Variants in DNAH2 observed in about 807,000 individuals in gnomAD.
The protein encoded by DNAH2 is axonemal beta dynein heavy chain 2.
Under a neutral mutation model 523.5 loss-of-function variants are expected in DNAH2, and 323 were observed. That is an observed-to-expected ratio of 0.62 (90% CI 0.56 to 0.68). The LOEUF is 0.68. Among genes scored for constraint, DNAH2 ranks in the 30% least tolerant of loss-of-function variants. DNAH2 has a pLI of 0.00. For synonymous variants in DNAH2, 2,093 were observed against 2,177.4 expected, an observed-to-expected ratio of 0.96 and a Z score of 1.08; for missense variants, 4,907 against 5,701.5, an observed-to-expected ratio of 0.86 and a Z score of 4.49.
chr17:7,826,596 G>A (rs2078026947), intron 77 of DNAH2, among the ~76,000 whole-genome samples: 1 of 140,246 alleles, frequency 7.1e-6, no homozygotes, highest in Admixed American at 7.5e-5. Context: ...CTGGAGCGCA[G>A]TGGCGCCATC....
chr17:7,795,190 T>A (rs2077028419), intron 49 of DNAH2, among the ~76,000 whole-genome samples: 1 of 152,182 alleles, frequency 6.6e-6, no homozygotes, highest in Non-Finnish European at 1.5e-5. Context: ...TTTTTAAAAT[T>A]AAAATTAATG....
At chr17:7,728,620 T>TG (rs1265893819) in intron 4 of DNAH2, among the ~76,000 whole-genome samples, 2 of 152,174 alleles carry the variant, frequency 1.3e-5, no homozygotes, top group Admixed American at 1.3e-4. Context: ...TTGCAGGCCG[T>TG]GAAAAACGAT....
In DNAH2 at chr17:7,786,367, A is replaced by G. The variant is rs755862690; in HGVS notation, c.6348+25A>G. 6.2e-7 allele frequency: 1 copy of G among 1,603,768 alleles called. No homozygotes were observed. The highest frequency in any genetic ancestry group is 1.3e-5 in the African/African-American group (1 of 74,948). On this transcript the variant is annotated intron_variant, in intron 40 of 85. Transcript: ENST00000572933. This position sits in a 1 kb window ranked among gnomAD's most constrained non-coding sequence, Gnocchi z 7.5. The stretch of plus-strand genomic sequence containing the variant: ...AGTACGGGGCTGGGACAGTGGAGTC[A>G]GTGGGCAGAGACTTGAGTAGTAAGA...
chr17:7,795,940 TATAA>T (rs557782089), intron 49 of DNAH2, among the ~76,000 whole-genome samples: 3 of 147,194 alleles, frequency 2.0e-5, no homozygotes, highest in Admixed American at 6.8e-5. Context: ...GAAGTTGCAG[TATAA>T]ATAAATAAAT....
intron 10 of DNAH2, 92 bp downstream of exon 10, chr17:7,740,641 C>A: frequency 6.4e-7 from 1 of 1,567,886 alleles, no homozygotes; most frequent in South Asian, 1.2e-5. Context: ...CACGTGTGCC[C>A]TTCTCCATGT....
chr17:7,760,416 G>T lies in DNAH2; in HGVS notation c.2786-324G>T, dbSNP rs1316185488. On this transcript the variant is annotated intron_variant, in intron 17 of 85. Coordinates refer to ENST00000572933, the MANE Select transcript of DNAH2 (RefSeq NM_020877.5). This position sits in a 1 kb window ranked among gnomAD's most constrained non-coding sequence, Gnocchi z 4.0. ...TGGGGAAGGGAGCAGGGGCTTGGAT[G>T]GGGGTTGAGATTAGGTGACTGATGC... Among the ~76,000 whole-genome samples, 3 of 151,924 alleles carry T rather than the reference G, an allele frequency of 2.0e-5. No homozygotes were observed. The highest frequency in any genetic ancestry group is 2.9e-5 in the Non-Finnish European group (2 of 67,980).
rs2075786836 is a variant in DNAH2, at chr17:7,754,691, C to T, written c.1905-2400C>T. Reference sequence around the variant, plus strand: ...ATCGACTTGCCTACATTGCCCACCCCAACCTTGGGAAGCTTGCTCGTGCCC... The same window carrying T: ...ATCGACTTGCCTACATTGCCCACCCTAACCTTGGGAAGCTTGCTCGTGCCC... On this transcript the variant is annotated intron_variant, in intron 12 of 85. Transcript: ENST00000572933. The surrounding 1 kb of genome is among the most constrained non-coding windows in gnomAD (Gnocchi z 4.6). 3 of 1,244,174 alleles carry T rather than the reference C, an allele frequency of 2.4e-6. No individual in the cohort carries two copies. Among genetic ancestry groups the T allele is most frequent in the East Asian group, 2.3e-5 (1 of 42,810 alleles). The allele number at this position is 1,244,174 out of a possible 1,614,324, so 77.1% of individuals were successfully genotyped here.
chr17:7,781,503 C>A (rs1597638864), intron 39 of DNAH2, among the ~76,000 whole-genome samples: 1 of 151,944 alleles, frequency 6.6e-6, no homozygotes, highest in South Asian at 2.1e-4. Flanking sequence ...AACAAAAAAA[C>A]CGCACTCTCC....
chr17:7,720,011 A>T, intron 2 of DNAH2, 111 bp downstream of exon 2: 1 of 1,339,844 alleles, frequency 7.5e-7, no homozygotes, highest in East Asian at 2.7e-5. Context: ...CTGGGCAGGA[A>T]ACGGGCTAAG....
chr17:7,720,026 G>A lies in DNAH2; in HGVS notation c.166+126G>A, dbSNP rs1033965419. On this transcript the variant is annotated intron_variant, in intron 2 of 85. Coordinates refer to ENST00000572933, the MANE Select transcript of DNAH2 (RefSeq NM_020877.5). ...CTGGGCAGGAAACGGGCTAAGTGACGCCCCCAGCCATGGAGGTTCAGCAGC... is the reference window on the plus strand; with the variant it reads ...CTGGGCAGGAAACGGGCTAAGTGACACCCCCAGCCATGGAGGTTCAGCAGC... 130 of 1,197,442 alleles carry A rather than the reference G, an allele frequency of 1.1e-4. 2 individuals carry two copies. The highest frequency in any genetic ancestry group is 1.0e-3 in the African/African-American group (64 of 64,302). 74.2% of individuals were successfully genotyped at this position (1,197,442 alleles called of 1,614,324 possible).
chr17:7,822,797 G>C (rs1054086579), intron 73 of DNAH2, among the ~76,000 whole-genome samples: 18 of 152,160 alleles, frequency 1.2e-4, no homozygotes, highest in African/African-American at 3.9e-4. Flanking sequence ...ATAAGCAAGT[G>C]AGTGAATGAA....
chr17:7,725,573 C>T (rs1016089330), intron 3 of DNAH2, among the ~76,000 whole-genome samples: 43 of 151,434 alleles, frequency 2.8e-4, no homozygotes, highest in African/African-American at 1.0e-3. Context: ...GCTGGGATTA[C>T]AGGTGCATGC....
chr17:7,786,008 C>A lies in DNAH2; in HGVS notation c.6130-116C>A. On this transcript the variant is annotated intron_variant, in intron 39 of 85. Transcript: ENST00000572933. This position sits in a 1 kb window ranked among gnomAD's most constrained non-coding sequence, Gnocchi z 7.5. ...GTGAACAGAGCCGGAGTGCAGAGGG[C>A]CCTGGTGCCATTTTTAACAGTTTGA... is the stretch of plus-strand genomic sequence containing the variant. 1 of 1,061,798 alleles carries A rather than the reference C, an allele frequency of 9.4e-7. No homozygotes were observed. The highest frequency in any genetic ancestry group is 1.4e-6 in the Non-Finnish European group (1 of 731,362). The allele number at this position is 1,061,798 out of a possible 1,614,324, so 65.8% of individuals were successfully genotyped here.
chr17:7,801,998 C>A lies in DNAH2; in HGVS notation c.8953C>A (p.Leu2985Ile), dbSNP rs1225457043. The A allele has an allele frequency of 1.2e-6, 2 of 1,614,112 alleles. No individual in the cohort carries two copies. Among genetic ancestry groups the A allele is most frequent in the Non-Finnish European group, 1.7e-6 (2 of 1,179,956 alleles). The change falls in exon 58 of 86, where the codon CTC becomes ATC. Residue 2985 changes from leucine (L) to isoleucine (I), a missense_variant. Physicochemically the swap from Leu to Ile is conservative, Grantham distance 5 (BLOSUM62 2). Coordinates refer to ENST00000572933, the MANE Select transcript of DNAH2 (RefSeq NM_020877.5). ...NYVTPTKYLE[L>I]LSGYKKLLGE... ...TGTCACACCCACCAAATACCTGGAA[C>A]TCCTGTCTGGATATAAGAAGTATGA...
chr17:7,761,998 C>T (rs1035829977), intron 18 of DNAH2, among the ~76,000 whole-genome samples: 64 of 152,016 alleles, frequency 4.2e-4, no homozygotes, highest in East Asian at 1.9e-4. Flanking sequence ...GAGTGGTGGC[C>T]GTGGTGTCAC....
intron 32 of DNAH2, 69 bp from the exon 33 acceptor site, chr17:7,777,377 G>A: frequency 6.4e-7 from 1 of 1,570,084 alleles, no homozygotes; most frequent in Non-Finnish European, 8.7e-7. Context: ...TGCTGGGTAG[G>A]GGCAAGGGTT....
intron 12 of DNAH2, among the ~76,000 whole-genome samples, chr17:7,747,902 G>A (rs2075561921): frequency 1.3e-5 from 2 of 152,222 alleles, no homozygotes; most frequent in South Asian, 4.1e-4. Context: ...ATCCAAGTCA[G>A]TTACAGCTTC....
chr17:7,739,745 C>G lies in DNAH2; in HGVS notation c.1183C>G (p.Gln395Glu). The G allele has an allele frequency of 2.5e-6, 4 of 1,612,872 alleles. No homozygotes were observed. The highest frequency in any genetic ancestry group is 3.4e-6 in the Non-Finnish European group (4 of 1,179,988). ...TSLFRKVCDCQYHFARWEDGK... is the reference protein window; with the variant it reads ...TSLFRKVCDCEYHFARWEDGK... ...TCTTCTTTTTTAGGTATGTGACTGT[C>G]AGTATCACTTCGCCCGCTGGGAAGA... Residue 395 changes from glutamine (Q) to glutamate (E), a missense_variant, in exon 9 of 86, where the codon CAG (glutamine) becomes GAG (glutamate). Around this residue, in one of 3 missense-constraint regions of DNAH2, gnomAD observed 2,806 missense variants for 3,190.8 expected, o/e 0.88. Transcript: ENST00000572933.
chr17:7,763,816 C>T lies in DNAH2; in HGVS notation c.2979-15C>T, dbSNP rs755433976. On this transcript the variant is annotated splice_polypyrimidine_tract_variant and intron_variant, in intron 18 of 85. Transcript: ENST00000572933. ...AAGAAAACAACATCCTAGCTGGGAT[C>T]TGGGGCTCTTGCAGCTACACGGAAG... is the stretch of plus-strand genomic sequence containing the variant. 4.3e-6 allele frequency: 7 copies of T among 1,613,736 alleles called. No individual in the cohort carries two copies. The highest frequency in any genetic ancestry group is 5.9e-6 in the Non-Finnish European group (7 of 1,179,954).
Sources: allele counts gnomAD v4.1 joint callset (sites outside exome capture counted in the v4.1 genomes callset), GRCh38; gene constraint gnomAD v4.1.1; regional missense constraint gnomAD v4.1.1; non-coding constraint Gnocchi (gnomAD v3.1); transcripts MANE v1.5; gene names NCBI Gene and HGNC (gene_info 2026-07-23, HGNC 2026-07-21).